The following RPA3 variants were observed in gnomAD, a reference collection of about 807,000 sequenced individuals.
RPA3 encodes replication protein A 14 kDa subunit.
RPA3 carries 24 observed loss-of-function variants against 13.7 expected under a neutral mutation model. The observed-to-expected ratio is 1.75, with a 90% CI of 1.27 to 2.46. The LOEUF (loss-of-function observed/expected upper bound fraction) is 2.46. RPA3 is among the 30% of genes most tolerant of loss of function. The pLI is 0.00. For missense variants in RPA3, 183 were observed against 151.0 expected (o/e 1.21, Z -1.11); for synonymous variants, 59 against 51.2 (o/e 1.15, Z -0.65).
chr7:7,648,743 C>A (rs1785153687), intron 4 of RPA3, among the ~76,000 whole-genome samples: 1 of 151,912 alleles, frequency 6.6e-6, no homozygotes, highest in Non-Finnish European at 1.5e-5. Context: ...GTCCTAGCTA[C>A]TTGGGAGGCT....
intron 4 of RPA3, among the ~76,000 whole-genome samples, chr7:7,677,707 T>C (rs1779781864): frequency 7.0e-6 from 1 of 141,864 alleles, no homozygotes; most frequent in Non-Finnish European, 1.5e-5. Context: ...GGAGTCTCGC[T>C]CTGTCGCCCA....
At chr7:7,695,127 C>G (rs1158254732) in intron 2 of RPA3, among the ~76,000 whole-genome samples, 1 of 152,154 alleles carries the variant, frequency 6.6e-6, no homozygotes, top group Non-Finnish European at 1.5e-5. Context: ...TTTGCTTTCT[C>G]TGATGATCAG....
chr7:7,678,348 CG>C (rs544427051), intron 4 of RPA3, among the ~76,000 whole-genome samples: 330 of 148,876 alleles, frequency 2.2e-3, no homozygotes, highest in African/African-American at 7.5e-3. Flanking sequence ...CAATATTGAA[CG>C]TTTTTTTAAT....
intron 1 of RPA3, among the ~76,000 whole-genome samples, chr7:7,716,677 G>A (rs573360981): frequency 1.8e-4 from 28 of 152,362 alleles, no homozygotes; most frequent in Admixed American, 6.5e-4. Flanking sequence ...CCGGCGCGGT[G>A]GCTCACGCCT....
rs913699369 is a variant in RPA3 at position 7,677,831 on chromosome 7, G to A, written c.-758+7999C>T. Reference sequence around the variant, plus strand: ...TGGGACTACAGGCGCCCGCCACTACGCCCGGCTAATTTTTTGTATTTTTAG... The same window carrying A: ...TGGGACTACAGGCGCCCGCCACTACACCCGGCTAATTTTTTGTATTTTTAG... On this transcript the variant is annotated intron_variant, in intron 4 of 7. Coordinates refer to ENST00000223129, the MANE Select transcript of RPA3 (RefSeq NM_002947.5). Among the ~76,000 whole-genome samples the A allele has an allele frequency of 4.6e-5, 7 of 150,746 alleles. No homozygotes were observed. The East Asian group carries it at 9.7e-4, about 21-fold the overall frequency.
intron 4 of RPA3, among the ~76,000 whole-genome samples, chr7:7,642,314 T>C (rs962086330): frequency 6.6e-6 from 1 of 151,692 alleles, no homozygotes; most frequent in African/African-American, 2.4e-5. Flanking sequence ...AAGATTTTTT[T>C]TTTGTTGTTT....
chr7:7,693,627 A>T (rs992407669), intron 2 of RPA3, among the ~76,000 whole-genome samples: 5 of 152,090 alleles, frequency 3.3e-5, no homozygotes, highest in African/African-American at 1.2e-4. Context: ...ATATTTTAAA[A>T]ATTGTTTATT....
chr7:7,646,420 T>TTAC (rs1785094265), intron 4 of RPA3, among the ~76,000 whole-genome samples: 1 of 151,004 alleles, frequency 6.6e-6, no homozygotes, highest in Admixed American at 6.6e-5. Flanking sequence ...ACTGTTCTCG[T>TTAC]GGTAGTGAAT....
At chr7:7,676,345 G>GTACTA in intron 4 of RPA3, 2 of 391,620 alleles carry the variant, frequency 5.1e-6, no homozygotes, top group East Asian at 7.2e-5. Flanking sequence ...GAGTGAGGTA[G>GTACTA]TACTATTATA....
At chr7:7,702,669 T>G (rs1033228912) in intron 2 of RPA3, among the ~76,000 whole-genome samples, 2 of 152,242 alleles carry the variant, frequency 1.3e-5, no homozygotes, top group Non-Finnish European at 2.9e-5. Context: ...TTGTGTATAT[T>G]AAGTGACTTT....
chr7:7,670,650 C>T (rs1322165398), intron 4 of RPA3, among the ~76,000 whole-genome samples: 1 of 152,186 alleles, frequency 6.6e-6, no homozygotes, highest in African/African-American at 2.4e-5. Flanking sequence ...CTGGCTGATA[C>T]ACAAGAGTCT....
At chr7:7,687,611 G>A (rs974701535) in intron 2 of RPA3, among the ~76,000 whole-genome samples, 4 of 152,182 alleles carry the variant, frequency 2.6e-5, no homozygotes, top group African/African-American at 4.8e-5. Flanking sequence ...TGTTTAAAGT[G>A]TGCATTAACT....
intron 2 of RPA3, chr7:7,689,577 T>C (rs1417013217): frequency 6.6e-6 from 1 of 152,216 alleles, no homozygotes; most frequent in Non-Finnish European, 1.5e-5. Context: ...GCTATCTCCC[T>C]GGATAATCTT....
intron 1 of RPA3, among the ~76,000 whole-genome samples, chr7:7,716,669 G>A (rs531856673): frequency 3.3e-5 from 5 of 152,368 alleles, no homozygotes; most frequent in Admixed American, 6.5e-5. Flanking sequence ...CGGCGCGGCC[G>A]GCGCGGTGGC....
At chr7:7,695,946 A>G (rs1780304311) in intron 2 of RPA3, among the ~76,000 whole-genome samples, 3 of 150,548 alleles carry the variant, frequency 2.0e-5, no homozygotes, top group Admixed American at 2.0e-4. Context: ...CTTTGTCTAT[A>G]GGAGGCTCTT....
At chr7:7,685,141 A>G (rs1780011408) in intron 4 of RPA3, among the ~76,000 whole-genome samples, 2 of 152,144 alleles carry the variant, frequency 1.3e-5, no homozygotes, top group South Asian at 4.1e-4. Context: ...TCTACCTTGT[A>G]TGAGTAATTC....
intron 2 of RPA3, among the ~76,000 whole-genome samples, chr7:7,712,144 C>G (rs1270015622): frequency 6.6e-6 from 1 of 152,160 alleles, no homozygotes. Flanking sequence ...TTAAAACCAT[C>G]TCAACCTTCC....
At chr7:7,679,727 T>TTTAATTTATAGATAA (rs1583727335) in intron 4 of RPA3, among the ~76,000 whole-genome samples, 4 of 142,944 alleles carry the variant, frequency 2.8e-5, no homozygotes, top group East Asian at 4.0e-4. Context: ...TATATATATA[T>TTTAATTTATAGATAA]ATATACACAC....
At chr7:7,652,874 C>T (rs1200399416) in intron 4 of RPA3, among the ~76,000 whole-genome samples, 2 of 152,166 alleles carry the variant, frequency 1.3e-5, no homozygotes, top group African/African-American at 4.8e-5. Context: ...GGGAGTGATT[C>T]TTTCTGGATG....
Sources: gnomAD v4.1 joint callset for allele counts (sites outside exome capture counted in the v4.1 genomes callset) on GRCh38, gnomAD v4.1.1 for gene constraint, MANE v1.5 for transcripts, NCBI Gene and HGNC (gene_info 2026-07-23, HGNC 2026-07-21) for gene names.